RBPJ: variants seen among roughly 807,000 people sequenced by gnomAD.
RBPJ encodes the protein recombining binding protein suppressor of hairless.
RBPJ carries 9 observed loss-of-function variants against 67.8 expected under a neutral mutation model. That is an observed-to-expected ratio of 0.13 (90% CI 0.08 to 0.23). The LOEUF (loss-of-function observed/expected upper bound fraction) is 0.23, where lower values mean the gene tolerates loss of function less well. Among genes scored for constraint, RBPJ ranks in the 10% least tolerant of loss-of-function variants. The probability of loss-of-function intolerance (pLI) is 1.00; values close to 1 mark genes in which losing one functional copy is unlikely to be tolerated. For synonymous variants in RBPJ, 198 were observed against 203.3 expected (o/e 0.97, Z 0.22); for missense variants, 305 against 595.6 (o/e 0.51, Z 5.08).
chr4:26,395,679 G>A (rs745405423), intron 2 of RBPJ, among the ~76,000 whole-genome samples: 5 of 152,064 alleles, frequency 3.3e-5, no homozygotes, highest in Admixed American at 6.6e-5. Context: ...GAAGCACCCC[G>A]AGCCATTCAC....
intron 2 of RBPJ, among the ~76,000 whole-genome samples, chr4:26,388,924 T>C (rs1452743691): frequency 1.3e-5 from 2 of 152,092 alleles, no homozygotes; most frequent in South Asian, 4.1e-4. Flanking sequence ...GTGAAAACTG[T>C]AAAACCACAG....
chr4:26,190,580 A>T (rs1228229801), intron 1 of RBPJ, among the ~76,000 whole-genome samples: 1 of 152,192 alleles, frequency 6.6e-6, no homozygotes, highest in African/African-American at 2.4e-5. Flanking sequence ...AGGGACATGC[A>T]TGCCTCTCTT....
At chr4:26,146,778 TAGTC>T in the RBPJ span, among the ~76,000 whole-genome samples, 5 of 152,226 alleles carry the variant, frequency 3.3e-5, no homozygotes, top group African/African-American at 9.6e-5. Context: ...TTGGATTGTG[TAGTC>T]AGTCAGGAAA....
At chr4:26,234,882 G>A (rs1282563635) in intron 1 of RBPJ, among the ~76,000 whole-genome samples, 3 of 151,750 alleles carry the variant, frequency 2.0e-5, no homozygotes, top group Non-Finnish European at 4.4e-5. Context: ...TAGTAGAGAC[G>A]GGGTTTCACC....
the RBPJ span, among the ~76,000 whole-genome samples, chr4:26,108,693 C>A: frequency 1.3e-5 from 2 of 152,202 alleles, no homozygotes; most frequent in African/African-American, 4.8e-5. Flanking sequence ...TCAATAAAAA[C>A]CAGCTATGTT....
intron 1 of RBPJ, among the ~76,000 whole-genome samples, chr4:26,210,744 C>T (rs75443093): frequency 0.05 from 2,355 of 47,350 alleles, 67 homozygotes; most frequent in Admixed American, 0.061. Flanking sequence ...TACTTCTTTC[C>T]TTCTTTCCTT....
intron 5 of RBPJ, 111 bp downstream of exon 5, chr4:26,420,836 T>A (rs1735057356): frequency 1.2e-6 from 1 of 822,262 alleles, no homozygotes; most frequent in Non-Finnish European, 1.8e-6. Flanking sequence ...TTTACTAATA[T>A]TTTTGTGGCC....
chr4:26,257,560 T>C (rs59761753), intron 1 of RBPJ, among the ~76,000 whole-genome samples: 50,987 of 151,956 alleles, frequency 0.34, 9,253 homozygotes, highest in African/African-American at 0.48. Context: ...ACCTGGGAGG[T>C]GGAGCTTGCA....
At chr4:26,293,803 G>C (rs1403185902) in intron 1 of RBPJ, among the ~76,000 whole-genome samples, 1 of 152,142 alleles carries the variant, frequency 6.6e-6, no homozygotes, top group African/African-American at 2.4e-5. Flanking sequence ...TGTCACCAAG[G>C]CTGGAGTGCA....
At chr4:26,401,319 G>T (rs752226828) in intron 2 of RBPJ, among the ~76,000 whole-genome samples, 1 of 152,196 alleles carries the variant, frequency 6.6e-6, no homozygotes, top group East Asian at 1.9e-4. Context: ...GTATGATTTT[G>T]TCCTCACAAG....
chr4:26,311,759 A>G (rs1722435547), intron 1 of RBPJ, among the ~76,000 whole-genome samples: 1 of 152,078 alleles, frequency 6.6e-6, no homozygotes, highest in Non-Finnish European at 1.5e-5. Flanking sequence ...GGTTATACTC[A>G]AGTTCTATAT....
the RBPJ span, among the ~76,000 whole-genome samples, chr4:26,114,554 A>C: frequency 4.0e-5 from 6 of 150,954 alleles, no homozygotes; most frequent in Admixed American, 4.0e-4. Context: ...GAGTATGCTA[A>C]TGTAGCAAAT....
chr4:26,135,814 T>C, the RBPJ span, among the ~76,000 whole-genome samples: 1 of 152,172 alleles, frequency 6.6e-6, no homozygotes, highest in Admixed American at 6.5e-5. Flanking sequence ...CAATGGGAGC[T>C]GAAGAGGTCA....
At chr4:26,144,144 A>G in the RBPJ span, among the ~76,000 whole-genome samples, 2 of 152,168 alleles carry the variant, frequency 1.3e-5, no homozygotes, top group Non-Finnish European at 2.9e-5. Context: ...TAATAAAATC[A>G]CTTCTATAAT....
At position 26,415,984 on chromosome 4, in the gene RBPJ, A is replaced by G. The variant is rs577618829; in HGVS notation, c.321+344A>G. Among the ~76,000 whole-genome samples the G allele has an allele frequency of 9.2e-5, 14 of 152,290 alleles. No homozygotes were observed. In the South Asian group the frequency reaches 2.9e-3, roughly 32 times the overall value. ...GTTTATCAACAAAAATACATTGTTC[A>G]GTAATGTTTTACTCTGCTATTTTAA... On this transcript the variant is annotated intron_variant, in intron 4 of 10. Transcript: ENST00000355476.
chr4:26,399,766 A>G (rs762196402), intron 2 of RBPJ, among the ~76,000 whole-genome samples: 2 of 151,908 alleles, frequency 1.3e-5, no homozygotes, highest in Non-Finnish European at 2.9e-5. Flanking sequence ...GCTCACTGCA[A>G]CCTCCGCCTC....
chr4:26,415,266 C>G (rs1303279471), intron 3 of RBPJ, among the ~76,000 whole-genome samples: 1 of 152,124 alleles, frequency 6.6e-6, no homozygotes, highest in Non-Finnish European at 1.5e-5. Flanking sequence ...AATATTTTGC[C>G]TGAACAGATT....
the RBPJ span, chr4:26,111,821 C>A: frequency 6.1e-6 from 1 of 162,646 alleles, no homozygotes; most frequent in East Asian, 1.6e-4. Context: ...CAACACATAT[C>A]AGAGTGACAC....
At chr4:26,204,450 C>T (rs1718098316) in intron 1 of RBPJ, among the ~76,000 whole-genome samples, 1 of 152,152 alleles carries the variant, frequency 6.6e-6, no homozygotes, top group East Asian at 1.9e-4. Context: ...CTTACTGGTC[C>T]TTGGGGACGG....
Sources: gnomAD v4.1 joint callset for allele counts (sites outside exome capture counted in the v4.1 genomes callset) on GRCh38, gnomAD v4.1.1 for gene constraint, MANE v1.5 for transcripts, NCBI Gene and HGNC (gene_info 2026-07-23, HGNC 2026-07-21) for gene names.